SH3GLB2: variants seen among roughly 807,000 people sequenced by gnomAD.
The protein encoded by SH3GLB2 is SH3 domain containing GRB2 like, endophilin B2.
SH3GLB2 carries 24 observed loss-of-function variants against 48.0 expected under a neutral mutation model. That is an observed-to-expected ratio of 0.50 (90% CI 0.36 to 0.70). The LOEUF (loss-of-function observed/expected upper bound fraction) is 0.70. Among genes scored for constraint, SH3GLB2 ranks in the 30% least tolerant of loss-of-function variants. SH3GLB2 has a pLI of 0.00. For synonymous variants in SH3GLB2, 227 were observed against 207.6 expected, an observed-to-expected ratio of 1.09 and a Z score of -0.80; for missense variants, 425 against 516.0, an observed-to-expected ratio of 0.82 and a Z score of 1.71.
chr9:129,028,213 C>G lies in SH3GLB2; in HGVS notation c.-59G>C. On this transcript the variant is annotated 5_prime_UTR_variant, in exon 1 of 11. Transcript: ENST00000372564. ...GCGCAGCCGGCAGCCCCCGGCCCAG[C>G]CGCCGCCGCCAACCGCACCCCGCCC... 2 of 1,109,698 alleles carry G rather than the reference C, an allele frequency of 1.8e-6. No homozygotes were observed. The highest frequency in any genetic ancestry group is 9.4e-5 in the East Asian group (2 of 21,250). The allele number at this position is 1,109,698 out of a possible 1,614,324, so 68.7% of individuals were successfully genotyped here. A position where few individuals can be genotyped will look rare whatever the true frequency, so the allele number is the denominator to read the frequency against.
In SH3GLB2 at chr9:129,008,635, C is replaced by T. The variant is rs909515037; in HGVS notation, c.*49G>A. 1.4e-6 allele frequency: 2 copies of T among 1,426,082 alleles called. No homozygotes were observed. The highest frequency in any genetic ancestry group is 4.6e-5 in the East Asian group (2 of 43,886). 88.3% of individuals were successfully genotyped at this position (1,426,082 alleles called of 1,614,324 possible). A position where few individuals can be genotyped will look rare whatever the true frequency, so the allele number is the denominator to read the frequency against. ...AACAAGTTAAGTGGCAGGGCTGCGC[C>T]CATCCTCTCCTGCCTAGGCCAGAAT... is the stretch of plus-strand genomic sequence containing the variant. On this transcript the variant is annotated 3_prime_UTR_variant, in exon 11 of 11. Transcript: ENST00000372564.
rs1208279345 is a variant in SH3GLB2, at chr9:129,007,337, A to G, written c.*1347T>C. On this transcript the variant is annotated 3_prime_UTR_variant, in exon 11 of 11. Coordinates refer to ENST00000372564, the MANE Select transcript of SH3GLB2 (RefSeq NM_020145.4). ...TGGTCCTGTCCTTGACCCTGCTTTCATTGGCCCAGTGGGCTGAGCTCATCC... is the reference window on the plus strand; with the variant it reads ...TGGTCCTGTCCTTGACCCTGCTTTCGTTGGCCCAGTGGGCTGAGCTCATCC... The G allele has an allele frequency of 1.3e-5, 2 of 151,086 alleles. No individual in the cohort carries two copies. Among genetic ancestry groups the G allele is most frequent in the East Asian group, 3.9e-4 (2 of 5,192 alleles). 9.4% of individuals were successfully genotyped at this position (151,086 alleles called of 1,614,324 possible). A position where few individuals can be genotyped will look rare whatever the true frequency, so the allele number is the denominator to read the frequency against.
chr9:129,028,119 C>G lies in SH3GLB2; in HGVS notation c.36G>C (p.Ala12=). ...GCACCGCCCGGGTGAAGAAGATGCC[C>G]GCGTCCGACGCCAGCTTCTTCATGT... ...DFNMKKLASD[A]GIFFTRAVQF... The change falls in exon 1 of 11, where the codon GCG becomes GCC. Residue 12 remains alanine, a synonymous_variant. Coordinates refer to ENST00000372564, the MANE Select transcript of SH3GLB2 (RefSeq NM_020145.4). The G allele has an allele frequency of 1.3e-6, 2 of 1,498,468 alleles. No homozygotes were observed. Among genetic ancestry groups the G allele is most frequent in the Non-Finnish European group, 1.8e-6 (2 of 1,126,412 alleles). 92.8% of individuals were successfully genotyped at this position (1,498,468 alleles called of 1,614,324 possible).
intron 7 of SH3GLB2, 62 bp from the exon 8 acceptor site, chr9:129,010,271 C>T: frequency 7.0e-7 from 1 of 1,424,230 alleles, no homozygotes; most frequent in South Asian, 1.2e-5. Context: ...CCGCAGTCTT[C>T]TCCTGGAGCC....
intron 3 of SH3GLB2, among the ~76,000 whole-genome samples, chr9:129,018,503 G>T (rs148623828): frequency 0.015 from 2,308 of 151,686 alleles, 32 homozygotes; most frequent in Non-Finnish European, 0.025. Context: ...CTTGAACCCA[G>T]GAGGCGGAGG....
chr9:129,018,800 G>A (rs1363221504), intron 3 of SH3GLB2, among the ~76,000 whole-genome samples: 3 of 150,502 alleles, frequency 2.0e-5, no homozygotes, highest in Non-Finnish European at 2.9e-5. Flanking sequence ...GCTGAGGCAG[G>A]AGAATGGCAT....
chr9:129,028,063 C>T, intron 1 of SH3GLB2, 29 bp downstream of exon 1: 5 of 1,496,908 alleles, frequency 3.3e-6, no homozygotes, highest in Non-Finnish European at 4.4e-6. Flanking sequence ...ATCCGGGCCC[C>T]CGGCGCACGG....
In SH3GLB2 at chr9:129,008,249, C is replaced by A; in HGVS notation, c.*435G>T. 5.0e-6 allele frequency: 1 copy of A among 198,470 alleles called. No homozygotes were observed. The highest frequency in any genetic ancestry group is 8.6e-5 in the South Asian group (1 of 11,636). The allele number at this position is 198,470 out of a possible 1,614,324, so 12.3% of individuals were successfully genotyped here. On this transcript the variant is annotated 3_prime_UTR_variant, in exon 11 of 11. Coordinates refer to ENST00000372564, the MANE Select transcript of SH3GLB2 (RefSeq NM_020145.4). ...TCCCCTCCCAGGGGCAGCGCCCAGT[C>A]CCCAGGGGCTGCCAGAGCCCTGTGT...
At position 129,028,294 on chromosome 9, in the gene SH3GLB2, C is replaced by T; in HGVS notation, c.-140G>A. 2.2e-6 allele frequency: 1 copy of T among 459,334 alleles called. No individual in the cohort carries two copies. Among genetic ancestry groups the T allele is most frequent in the Non-Finnish European group, 2.8e-6 (1 of 351,130 alleles). The allele number at this position is 459,334 out of a possible 1,614,324, so 28.5% of individuals were successfully genotyped here. ...CCCGCCTGCCGGCCTGCCCGCCTGC[C>T]CGCCCGCCGCAGCCGCCGAGCCAGC... On this transcript the variant is annotated 5_prime_UTR_variant, in exon 1 of 11. Transcript: ENST00000372564.
rs79978686 is a variant in SH3GLB2 at position 129,019,115 on chromosome 9, G to A, written c.334+1976C>T. Among the ~76,000 whole-genome samples the A allele has an allele frequency of 2.7e-3, 415 of 151,104 alleles. 7 individuals carry two copies. The East Asian group carries it at 0.05, about 18-fold the overall frequency. ...TTAAATTAGACTGTGGGCCGGGCAC[G>A]GTGGCACACTCCTGTAATCCCAGCA... On this transcript the variant is annotated intron_variant, in intron 3 of 10. Coordinates refer to ENST00000372564, the MANE Select transcript of SH3GLB2 (RefSeq NM_020145.4).
In SH3GLB2 at chr9:129,010,326, C is replaced by T; in HGVS notation, c.649-117G>A. 3.5e-6 allele frequency: 3 copies of T among 853,854 alleles called. No individual in the cohort carries two copies. The South Asian group carries it at 4.8e-5, about 14-fold the overall frequency. The allele number at this position is 853,854 out of a possible 1,614,324, so 52.9% of individuals were successfully genotyped here. A position where few individuals can be genotyped will look rare whatever the true frequency, so the allele number is the denominator to read the frequency against. On this transcript the variant is annotated intron_variant, in intron 7 of 10. Transcript: ENST00000372564. ...CCTTTCCCCTGGGAACACAGAGAGC[C>T]TTCTGGGTCTATGCCTGACTTCACA...
At chr9:129,027,976 G>A (rs1030834471) in intron 1 of SH3GLB2, 116 bp downstream of exon 1, 11 of 962,048 alleles carry the variant, frequency 1.1e-5, no homozygotes, top group Non-Finnish European at 1.4e-5. Flanking sequence ...TGCCGCGGCG[G>A]GGACGAGGGC....
At chr9:129,022,914 C>T (rs987920635) in intron 1 of SH3GLB2, among the ~76,000 whole-genome samples, 1 of 152,106 alleles carries the variant, frequency 6.6e-6, no homozygotes, top group African/African-American at 2.4e-5. Flanking sequence ...AACCCAGGGT[C>T]GGGGTTCAGA....
chr9:129,011,938 A>G lies in SH3GLB2; in HGVS notation c.624+298T>C, dbSNP rs192466516. ...AGCAGGAGGTGGAGGGGCCCTGGGG[A>G]TGGGACAGCTGCCGCCCTGAGTTCT... On this transcript the variant is annotated intron_variant, in intron 6 of 10. Coordinates refer to ENST00000372564, the MANE Select transcript of SH3GLB2 (RefSeq NM_020145.4). This position sits in a 1 kb window ranked among gnomAD's most constrained non-coding sequence, Gnocchi z 4.5. 1.3e-3 allele frequency: 445 copies of G among 337,806 alleles called. 6 individuals carry two copies. In the East Asian group the frequency reaches 0.019, roughly 15 times the overall value. 20.9% of individuals were successfully genotyped at this position (337,806 alleles called of 1,614,324 possible). A position where few individuals can be genotyped will look rare whatever the true frequency, so the allele number is the denominator to read the frequency against.
At chr9:129,013,497 C>G (rs1588314781) in intron 5 of SH3GLB2, 1 of 181,398 alleles carries the variant, frequency 5.5e-6, no homozygotes, top group East Asian at 1.5e-4. Context: ...CTAGCCAACC[C>G]CAAGATTGAA....
intron 3 of SH3GLB2, among the ~76,000 whole-genome samples, 174 bp downstream of exon 3, chr9:129,020,917 G>A (rs1843751002): frequency 6.6e-6 from 1 of 151,902 alleles, no homozygotes; most frequent in East Asian, 1.9e-4. Flanking sequence ...ACCAAAACTG[G>A]TTAAGAGAAG....
At chr9:129,010,027 G>A in intron 8 of SH3GLB2, 93 bp downstream of exon 8, 1 of 1,425,472 alleles carries the variant, frequency 7.0e-7, no homozygotes, top group Non-Finnish European at 9.9e-7. Flanking sequence ...CTCTGTGAGG[G>A]CCATTCTGGG....
In SH3GLB2 at chr9:129,014,352, A is replaced by T; in HGVS notation, c.561+59T>A. ...AAATACCAGGTCCCTTCATGCCACCACCCCTTGGCTCCAGCCAGAGCCTGG... is the reference window on the plus strand; with the variant it reads ...AAATACCAGGTCCCTTCATGCCACCTCCCCTTGGCTCCAGCCAGAGCCTGG... On this transcript the variant is annotated intron_variant, in intron 5 of 10. Transcript: ENST00000372564. This position sits in a 1 kb window ranked among gnomAD's most constrained non-coding sequence, Gnocchi z 4.1. The T allele has an allele frequency of 6.8e-7, 1 of 1,480,546 alleles. No homozygotes were observed. Among genetic ancestry groups the T allele is most frequent in the South Asian group, 1.2e-5 (1 of 82,718 alleles). The allele number at this position is 1,480,546 out of a possible 1,614,324, so 91.7% of individuals were successfully genotyped here.
chr9:129,025,025 C>T (rs1420514716), intron 1 of SH3GLB2, among the ~76,000 whole-genome samples: 1 of 150,144 alleles, frequency 6.7e-6, no homozygotes, highest in African/African-American at 2.5e-5. Context: ...CCTGTAATCC[C>T]AGCACTTTGG....
Sources: allele counts gnomAD v4.1 joint callset (sites outside exome capture counted in the v4.1 genomes callset), GRCh38; gene constraint gnomAD v4.1.1; non-coding constraint Gnocchi (gnomAD v3.1); transcripts MANE v1.5; gene names NCBI Gene and HGNC (gene_info 2026-07-23, HGNC 2026-07-21).